TNRC6C: variants seen among roughly 807,000 people sequenced by gnomAD.
TNRC6C encodes trinucleotide repeat containing adaptor 6C.
Under a neutral mutation model 153.7 loss-of-function variants are expected in TNRC6C, and 20 were observed. The observed-to-expected ratio is 0.13, with a 90% CI of 0.09 to 0.19. The LOEUF (loss-of-function observed/expected upper bound fraction) is 0.19. TNRC6C is among the 10% of genes least tolerant of loss of function. The pLI, the probability that TNRC6C is intolerant of heterozygous loss-of-function variation, is 1.00. For missense variants in TNRC6C, 1,987 were observed against 2,172.0 expected, an observed-to-expected ratio of 0.91 and a Z score of 1.69; for synonymous variants, 811 against 841.4, an observed-to-expected ratio of 0.96 and a Z score of 0.63.
At chr17:78,061,575 A>C (rs2072768573) in intron 3 of TNRC6C, among the ~76,000 whole-genome samples, 1 of 152,158 alleles carries the variant, frequency 6.6e-6, no homozygotes. Flanking sequence ...TCAGCTACTC[A>C]GAAGCAGGAG....
Position 78,049,603 on chromosome 17 carries a change from A to G in TNRC6C, c.541A>G (p.Thr181Ala). The change falls in exon 3 of 20, where the codon ACT becomes GCT. Residue 181 changes from threonine to alanine, a missense_variant. Transcript: ENST00000301624. This position sits in a 1 kb window ranked among gnomAD's most constrained non-coding sequence, Gnocchi z 4.1. Reference sequence around the variant, plus strand: ...CAGCGCACAACCTCAGAACCTTAACACTGATGGACCAAATAACACTAACCC... The same window carrying G: ...CAGCGCACAACCTCAGAACCTTAACGCTGATGGACCAAATAACACTAACCC... 1 of 1,613,956 alleles carries G rather than the reference A, an allele frequency of 6.2e-7. No homozygotes were observed. The highest frequency in any genetic ancestry group is 8.5e-7 in the Non-Finnish European group (1 of 1,179,894).
exon 3 of TNRC6C, chr17:78,051,037 T>C: frequency 6.2e-7 from 1 of 1,612,754 alleles, no homozygotes; most frequent in Non-Finnish European, 8.5e-7. Context: ...GGGGGAGACT[T>C]TAAAACCTGG....
chr17:78,092,866 G>A, intron 14 of TNRC6C, 67 bp from the exon 17 acceptor site: 2 of 1,445,560 alleles, frequency 1.4e-6, no homozygotes, highest in South Asian at 1.3e-5. Context: ...GGAGGCTTAG[G>A]GTATCTTCTG....
At chr17:78,086,813 C>G (rs778067494) in intron 12 of TNRC6C, 40 bp from the exon 15 acceptor site, 1 of 1,602,908 alleles carries the variant, frequency 6.2e-7, no homozygotes, top group Admixed American at 1.7e-5. Flanking sequence ...ATGAGTGTCC[C>G]TTCCCACCTA....
intron 1 of TNRC6C, among the ~76,000 whole-genome samples, chr17:77,977,131 C>T (rs118051890): frequency 0.02 from 3,058 of 151,668 alleles, 54 homozygotes; most frequent in Middle Eastern, 0.065. Context: ...ACTATATATA[C>T]GTTTTCTTTC....
rs552104738 is a variant in TNRC6C, at chr17:77,971,368, A to G, written c.-38+12100A>G. ...ACCCTTCTCTGACTTCTCTCATGAT[A>G]AACTTTCTCTTCTCTATTCATTCCT... On this transcript the variant is annotated intron_variant, in intron 1 of 22. Coordinates refer to the TNRC6C transcript ENST00000636222. Among the ~76,000 whole-genome samples, 19 of 152,286 alleles carry G rather than the reference A, an allele frequency of 1.2e-4. No homozygotes were observed. The East Asian group carries it at 3.7e-3, about 29-fold the overall frequency.
chr17:77,959,851 T>A (rs2070847239), intron 1 of TNRC6C, among the ~76,000 whole-genome samples: 1 of 152,178 alleles, frequency 6.6e-6, no homozygotes, highest in Non-Finnish European at 1.5e-5. Flanking sequence ...AGCGCCTGGT[T>A]GCCGCCTCTG....
At chr17:78,031,800 C>T in exon 2 of TNRC6C, 3 of 1,232,300 alleles carry the variant, frequency 2.4e-6, no homozygotes, top group Non-Finnish European at 3.0e-6. Flanking sequence ...ACCTCCCCTA[C>T]CTGGAGCCGG....
intron 1 of TNRC6C, among the ~76,000 whole-genome samples, chr17:77,994,023 T>A (rs1486550988): frequency 6.6e-6 from 1 of 151,990 alleles, no homozygotes; most frequent in Non-Finnish European, 1.5e-5. Flanking sequence ...TGAAACCCCG[T>A]CTCTACTGAA....
At chr17:78,006,531 CTTCTTCT>C (rs2071507196) in intron 1 of TNRC6C, among the ~76,000 whole-genome samples, 1 of 140,778 alleles carries the variant, frequency 7.1e-6, no homozygotes, top group Non-Finnish European at 1.5e-5. Context: ...TCTTCTTCTT[CTTCTTCT>C]TCTTCTTCTT....
intron 3 of TNRC6C, among the ~76,000 whole-genome samples, chr17:78,063,967 A>G (rs780482360): frequency 6.6e-6 from 1 of 152,250 alleles, no homozygotes; most frequent in Non-Finnish European, 1.5e-5. Context: ...AATGCTGACA[A>G]TTGAATAGGC....
intron 1 of TNRC6C, among the ~76,000 whole-genome samples, chr17:77,977,516 C>T (rs1413789235): frequency 6.6e-6 from 1 of 152,120 alleles, no homozygotes; most frequent in African/African-American, 2.4e-5. Flanking sequence ...CTTTTTAGTT[C>T]AGAAGGGAAC....
intron 1 of TNRC6C, among the ~76,000 whole-genome samples, chr17:78,007,772 A>G (rs944698929): frequency 4.6e-5 from 7 of 152,240 alleles, no homozygotes; most frequent in African/African-American, 1.4e-4. Flanking sequence ...TACTGAATCA[A>G]TCAACATTGT....
chr17:78,025,546 C>T (rs2071925116), intron 1 of TNRC6C, among the ~76,000 whole-genome samples: 1 of 152,084 alleles, frequency 6.6e-6, no homozygotes, highest in Non-Finnish European at 1.5e-5. Flanking sequence ...CTGCTATAAA[C>T]ATTTGTGTGC....
At chr17:78,008,462 C>T (rs372330041) in intron 1 of TNRC6C, 7 of 152,348 alleles carry the variant, frequency 4.6e-5, no homozygotes, top group African/African-American at 1.7e-4. Context: ...ATGGGAACCA[C>T]GTTTTCTCTG....
intron 10 of TNRC6C, among the ~76,000 whole-genome samples, chr17:78,081,226 G>A (rs184668266): frequency 1.3e-4 from 19 of 151,810 alleles, no homozygotes; most frequent in African/African-American, 3.9e-4. Context: ...AAAGGCCTCC[G>A]CTCTTAACAC....
At chr17:78,063,486 A>G (rs1006022796) in intron 3 of TNRC6C, among the ~76,000 whole-genome samples, 1 of 151,976 alleles carries the variant, frequency 6.6e-6, no homozygotes. Flanking sequence ...CGTGTTGTCA[A>G]GGGTCACCTG....
intron 9 of TNRC6C, chr17:78,077,847 C>A (rs2073111469): frequency 6.2e-6 from 1 of 162,194 alleles, no homozygotes; most frequent in African/African-American, 2.4e-5. Context: ...TGGAAATCAT[C>A]TTTCTAAATC....
intron 3 of TNRC6C, among the ~76,000 whole-genome samples, chr17:78,061,547 G>C (rs1223214329): frequency 6.6e-6 from 1 of 152,106 alleles, no homozygotes; most frequent in African/African-American, 2.4e-5. Flanking sequence ...CCAGGTGTGG[G>C]GGCAGGCATC....
Sources: allele counts gnomAD v4.1 joint callset (sites outside exome capture counted in the v4.1 genomes callset), GRCh38; gene constraint gnomAD v4.1.1; non-coding constraint Gnocchi (gnomAD v3.1); transcripts MANE v1.5; gene names NCBI Gene and HGNC (gene_info 2026-07-23, HGNC 2026-07-21).